Variants in PRKG1 observed in about 807,000 individuals in gnomAD.
PRKG1 encodes the protein protein kinase cGMP-dependent 1, also known as cGMP-dependent protein kinase 1.
Under a neutral mutation model 88.1 loss-of-function variants are expected in PRKG1, and 35 were observed. The observed-to-expected ratio is 0.40, with a 90% CI of 0.30 to 0.53. PRKG1 has a LOEUF of 0.53. Among genes scored for constraint, PRKG1 ranks in the 20% least tolerant of loss-of-function variants. PRKG1 has a pLI of 0.59. For missense variants in PRKG1, 540 were observed against 839.8 expected (o/e 0.64, Z 4.41); for synonymous variants, 303 against 292.5 (o/e 1.04, Z -0.37).
chr10:51,449,934 G>A (rs929885053), intron 2 of PRKG1, among the ~76,000 whole-genome samples: 18 of 151,760 alleles, frequency 1.2e-4, no homozygotes, highest in South Asian at 4.1e-4. Flanking sequence ...TTTTTGATGC[G>A]AATCAGTGAA....
chr10:51,706,267 A>G (rs1487852456), intron 3 of PRKG1, among the ~76,000 whole-genome samples: 1 of 152,338 alleles, frequency 6.6e-6, no homozygotes, highest in South Asian at 2.1e-4. Context: ...GTACAGAGGA[A>G]TAAAAAGCAA....
intron 4 of PRKG1, among the ~76,000 whole-genome samples, chr10:51,838,962 C>T (rs944406792): frequency 5.3e-5 from 8 of 152,060 alleles, no homozygotes; most frequent in Non-Finnish European, 1.2e-4. Flanking sequence ...ATGGCACATA[C>T]ATTTTAAGTT....
At chr10:51,901,625 G>C (rs1007728790) in intron 4 of PRKG1, among the ~76,000 whole-genome samples, 2 of 152,164 alleles carry the variant, frequency 1.3e-5, no homozygotes, top group African/African-American at 4.8e-5. Context: ...AAGTTGAAAA[G>C]CTATACAGAA....
intron 3 of PRKG1, among the ~76,000 whole-genome samples, chr10:51,773,081 G>T (rs569780181): frequency 6.6e-6 from 1 of 151,958 alleles, no homozygotes; most frequent in Non-Finnish European, 1.5e-5. Context: ...ACTAAAATAA[G>T]TGTTTTAGTC....
At chr10:51,465,748 C>T (rs1839889564) in intron 2 of PRKG1, among the ~76,000 whole-genome samples, 1 of 152,084 alleles carries the variant, frequency 6.6e-6, no homozygotes, top group Non-Finnish European at 1.5e-5. Context: ...AATTAAAAAC[C>T]TCTATTACCC....
rs969551537 is a variant in PRKG1 at position 52,295,974 on chromosome 10, A to G, written c.*2074A>G. 3.9e-5 allele frequency: 6 copies of G among 152,024 alleles called. No homozygotes were observed. Among genetic ancestry groups the G allele is most frequent in the African/African-American group, 1.4e-4 (6 of 41,436 alleles). 9.4% of individuals were successfully genotyped at this position (152,024 alleles called of 1,614,324 possible). On this transcript the variant is annotated 3_prime_UTR_variant, in exon 18 of 18. Coordinates refer to ENST00000373980, the MANE Select transcript of PRKG1 (RefSeq NM_006258.4). Reference sequence around the variant, plus strand: ...CACTGTTTTCTACAGATTTTAGAATATAAAATTAAACATATCAACCTAAAA... The same window carrying G: ...CACTGTTTTCTACAGATTTTAGAATGTAAAATTAAACATATCAACCTAAAA...
At chr10:51,325,918 C>A (rs1218755853) in intron 2 of PRKG1, among the ~76,000 whole-genome samples, 1 of 152,100 alleles carries the variant, frequency 6.6e-6, no homozygotes, top group East Asian at 1.9e-4. Context: ...CCAGCCTGAG[C>A]CAAGGAGAAA....
chr10:51,998,906 G>A, intron 5 of PRKG1, among the ~76,000 whole-genome samples: 1 of 152,106 alleles, frequency 6.6e-6, no homozygotes, highest in African/African-American at 2.4e-5. Context: ...TCTCGTGTTT[G>A]GTGGTGGGAA....
intron 1 of PRKG1, among the ~76,000 whole-genome samples, chr10:51,023,442 T>C (rs1843165257): frequency 6.6e-6 from 1 of 152,174 alleles, no homozygotes; most frequent in Non-Finnish European, 1.5e-5. Context: ...GATTTATCTA[T>C]AAAGCATTGA....
At chr10:51,786,516 A>T (rs1038408545) in intron 3 of PRKG1, among the ~76,000 whole-genome samples, 3 of 151,594 alleles carry the variant, frequency 2.0e-5, no homozygotes, top group African/African-American at 4.8e-5. Context: ...TCCATGGGGA[A>T]CTCTTCCCTC....
Position 52,200,246 on chromosome 10 carries a change from T to C in PRKG1, c.1076+38283T>C, listed in dbSNP as rs911290497. Among the ~76,000 whole-genome samples, 6 of 152,112 alleles carry C rather than the reference T, an allele frequency of 3.9e-5. No homozygotes were observed. The East Asian group carries it at 9.7e-4, about 24-fold the overall frequency. ...ATCAAACAGGCCCTGGTGTCTATTGTTCCCTTCTTGGTGTTCATGTATACT... is the reference window on the plus strand; with the variant it reads ...ATCAAACAGGCCCTGGTGTCTATTGCTCCCTTCTTGGTGTTCATGTATACT... On this transcript the variant is annotated intron_variant, in intron 9 of 17. Coordinates refer to ENST00000373980, the MANE Select transcript of PRKG1 (RefSeq NM_006258.4).
At chr10:52,283,666 T>C (rs1258667706) in intron 14 of PRKG1, among the ~76,000 whole-genome samples, 2 of 152,102 alleles carry the variant, frequency 1.3e-5, no homozygotes, top group Non-Finnish European at 2.9e-5. Flanking sequence ...ATTTTGATCT[T>C]GTGGATGGAG....
intron 2 of PRKG1, among the ~76,000 whole-genome samples, chr10:51,280,460 A>C (rs1340393865): frequency 6.6e-6 from 1 of 152,100 alleles, no homozygotes; most frequent in African/African-American, 2.4e-5. Flanking sequence ...TATCCTGCAG[A>C]CTGTTTTCCA....
At chr10:51,456,739 A>T (rs970583585) in intron 2 of PRKG1, among the ~76,000 whole-genome samples, 8 of 152,168 alleles carry the variant, frequency 5.3e-5, no homozygotes, top group Non-Finnish European at 1.2e-4. Context: ...CAAACCAGCA[A>T]GTACAAAACC....
At chr10:52,109,724 C>A (rs1847510851) in intron 7 of PRKG1, among the ~76,000 whole-genome samples, 1 of 152,048 alleles carries the variant, frequency 6.6e-6, no homozygotes, top group African/African-American at 2.4e-5. Context: ...CATCACGCCA[C>A]TGCACTCCAG....
At chr10:51,387,722 T>C (rs1168171488) in intron 2 of PRKG1, among the ~76,000 whole-genome samples, 1 of 152,204 alleles carries the variant, frequency 6.6e-6, no homozygotes, top group Admixed American at 6.5e-5. Flanking sequence ...TAACTCCCTT[T>C]AGTTGTTATT....
At chr10:51,940,037 C>T (rs995993516) in intron 5 of PRKG1, among the ~76,000 whole-genome samples, 5 of 151,850 alleles carry the variant, frequency 3.3e-5, no homozygotes, top group African/African-American at 4.8e-5. Flanking sequence ...ATTTCTATAG[C>T]CTTATAGCTG....
rs189019688 is a variant in PRKG1 at position 51,887,038 on chromosome 10, G to A, written c.699-20469G>A. The stretch of plus-strand genomic sequence containing the variant: ...GTCTCACTCAGTCACCCAGGTCGGA[G>A]TGCAGTGGTGCATCTCCACTCACTG... On this transcript the variant is annotated intron_variant, in intron 4 of 17. Transcript: ENST00000373980. Among the ~76,000 whole-genome samples, 8 of 152,296 alleles carry A rather than the reference G, an allele frequency of 5.3e-5. No individual in the cohort carries two copies. The East Asian group carries it at 1.5e-3, about 29-fold the overall frequency.
At chr10:51,649,987 G>A (rs911329230) in intron 3 of PRKG1, among the ~76,000 whole-genome samples, 2 of 152,172 alleles carry the variant, frequency 1.3e-5, no homozygotes, top group African/African-American at 2.4e-5. Context: ...GTGAGACTAC[G>A]TAGGTCTCTT....
Sources: allele counts gnomAD v4.1 joint callset (sites outside exome capture counted in the v4.1 genomes callset), GRCh38; gene constraint gnomAD v4.1.1; transcripts MANE v1.5; gene names NCBI Gene and HGNC (gene_info 2026-07-23, HGNC 2026-07-21).